SLC45A3: variants seen among roughly 807,000 people sequenced by gnomAD.
SLC45A3 encodes the protein solute carrier family 45 member 3.
SLC45A3 carries 17 observed loss-of-function variants against 35.3 expected under a neutral mutation model. That is an observed-to-expected ratio of 0.48 (90% CI 0.33 to 0.72). SLC45A3 has a LOEUF of 0.72. Ranked by LOEUF, SLC45A3 falls within the 30% of genes least tolerant of loss-of-function variation. The probability of loss-of-function intolerance (pLI) is 0.02; values close to 1 mark genes in which losing one functional copy is unlikely to be tolerated. For missense variants in SLC45A3, 597 were observed against 731.7 expected (o/e 0.82, Z 2.12); for synonymous variants, 288 against 334.3 (o/e 0.86, Z 1.51).
chr1:205,661,492 G>A (rs1384339427), intron 4 of SLC45A3, among the ~76,000 whole-genome samples: 1 of 152,120 alleles, frequency 6.6e-6, no homozygotes, highest in Non-Finnish European at 1.5e-5. Flanking sequence ...TCCCACTCCC[G>A]TCTGCTGAGG....
intron 4 of SLC45A3, among the ~76,000 whole-genome samples, chr1:205,660,148 C>T (rs888472713): frequency 9.2e-5 from 14 of 152,022 alleles, no homozygotes; most frequent in African/African-American, 2.2e-4. Context: ...CCTCATTGCC[C>T]GGTGCAGAGA....
At chr1:205,679,581 G>T (rs936085052) in intron 1 of SLC45A3, among the ~76,000 whole-genome samples, 1 of 152,074 alleles carries the variant, frequency 6.6e-6, no homozygotes, top group Non-Finnish European at 1.5e-5. Context: ...TTTGCCGTTT[G>T]CAGAACTCTG....
chr1:205,672,884 G>A (rs1166322432), intron 1 of SLC45A3, among the ~76,000 whole-genome samples: 4 of 152,116 alleles, frequency 2.6e-5, no homozygotes, highest in South Asian at 2.1e-4. Flanking sequence ...GCTTCTTCAC[G>A]GGCAGGTACC....
intron 1 of SLC45A3, among the ~76,000 whole-genome samples, chr1:205,675,155 T>C (rs928121708): frequency 6.6e-6 from 1 of 152,236 alleles, no homozygotes; most frequent in African/African-American, 2.4e-5. Flanking sequence ...TCTTGGCCTC[T>C]CCGTTGCCAG....
chr1:205,663,205 C>T lies in SLC45A3; in HGVS notation c.586G>A (p.Glu196Lys). 1.9e-6 allele frequency: 3 copies of T among 1,613,498 alleles called. No homozygotes were observed. Among genetic ancestry groups the T allele is most frequent in the Admixed American group, 1.7e-5 (1 of 60,024 alleles). ...SALAPYLGTQ[E>K]ECLFGLLTLI... ...GTGAGCAGGCCAAAGAGGCACTCCTCCTGGGTGCCCAGGTAGGGGGCCAGG... is the reference window on the plus strand; with the variant it reads ...GTGAGCAGGCCAAAGAGGCACTCCTTCTGGGTGCCCAGGTAGGGGGCCAGG... Residue 196 changes from glutamate (E) to lysine (K), a missense_variant, in exon 3 of 5, where the codon GAG becomes AAG. Transcript: ENST00000367145.
In SLC45A3 at chr1:205,664,764, G is replaced by A. The variant is rs1419478693; in HGVS notation, c.-108C>T. ...CCTCTCCTCCTTGCTGCCGCCAACTGCCTAGGAATCAGCCAGGCGCCCATT... is the reference window on the plus strand; with the variant it reads ...CCTCTCCTCCTTGCTGCCGCCAACTACCTAGGAATCAGCCAGGCGCCCATT... On this transcript the variant is annotated 5_prime_UTR_variant, in exon 2 of 5. It introduces an in-frame stop codon into an upstream open reading frame of the 5' UTR. Transcript: ENST00000367145. The surrounding 1 kb of genome is among the most constrained non-coding windows in gnomAD (Gnocchi z 5.3). 23 of 1,482,362 alleles carry A rather than the reference G, an allele frequency of 1.6e-5. No homozygotes were observed. Among genetic ancestry groups the A allele is most frequent in the Middle Eastern group, 5.0e-4 (2 of 4,012 alleles). The allele number at this position is 1,482,362 out of a possible 1,614,324, so 91.8% of individuals were successfully genotyped here.
Position 205,664,897 on chromosome 1 carries a change from G to A in SLC45A3, c.-230-11C>T. On this transcript the variant is annotated splice_polypyrimidine_tract_variant and intron_variant, in intron 1 of 4. Coordinates refer to ENST00000367145, the MANE Select transcript of SLC45A3 (RefSeq NM_033102.3). This position sits in a 1 kb window ranked among gnomAD's most constrained non-coding sequence, Gnocchi z 5.3. ...CTCATCACTCAGATCCTAGAAGGGCGGGGCAATCACAAGCACACGGGGTGT... is the reference window on the plus strand; with the variant it reads ...CTCATCACTCAGATCCTAGAAGGGCAGGGCAATCACAAGCACACGGGGTGT... The A allele has an allele frequency of 3.7e-6, 5 of 1,356,978 alleles. No individual in the cohort carries two copies. The highest frequency in any genetic ancestry group is 2.8e-5 in the East Asian group (1 of 35,648). 84.1% of individuals were successfully genotyped at this position (1,356,978 alleles called of 1,614,324 possible). A position where few individuals can be genotyped will look rare whatever the true frequency, so the allele number is the denominator to read the frequency against.
chr1:205,670,149 C>G (rs1671186252), intron 1 of SLC45A3, among the ~76,000 whole-genome samples: 1 of 152,216 alleles, frequency 6.6e-6, no homozygotes. Flanking sequence ...TGGGGACACC[C>G]CAGAAAGAGC....
In SLC45A3 at chr1:205,662,782, T is replaced by A. The variant is rs1379702098; in HGVS notation, c.958+51A>T. On this transcript the variant is annotated intron_variant, in intron 3 of 4. Coordinates refer to ENST00000367145, the MANE Select transcript of SLC45A3 (RefSeq NM_033102.3). This position sits in a 1 kb window ranked among gnomAD's most constrained non-coding sequence, Gnocchi z 6.2. ...AGCCCAGACACAGCCCCGAGTGTCGTCTCTGGTGGGCGGCTCCCACACCAG... is the reference window on the plus strand; with the variant it reads ...AGCCCAGACACAGCCCCGAGTGTCGACTCTGGTGGGCGGCTCCCACACCAG... The A allele has an allele frequency of 6.6e-7, 1 of 1,509,716 alleles. No homozygotes were observed. The highest frequency in any genetic ancestry group is 2.3e-5 in the East Asian group (1 of 43,320). The allele number at this position is 1,509,716 out of a possible 1,614,324, so 93.5% of individuals were successfully genotyped here.
chr1:205,673,223 ATTCTC>A (rs1371941992), intron 1 of SLC45A3, among the ~76,000 whole-genome samples: 6 of 152,134 alleles, frequency 3.9e-5, no homozygotes, highest in Admixed American at 6.5e-5. Flanking sequence ...TAGTAACTGA[ATTCTC>A]TTCTTGGGCC....
At chr1:205,670,371 T>C (rs1302224863) in intron 1 of SLC45A3, among the ~76,000 whole-genome samples, 1 of 152,162 alleles carries the variant, frequency 6.6e-6, no homozygotes, top group African/African-American at 2.4e-5. Context: ...AGTGAGGGTC[T>C]CTGCTTTCCC....
chr1:205,662,849 C>A lies in SLC45A3; in HGVS notation c.942G>T (p.Arg314=). 6.3e-7 allele frequency: 1 copy of A among 1,598,794 alleles called. No homozygotes were observed. ...VPRAEPGTEA[R]RHYDEGVRMG... is the part of the protein sequence containing the mutation. ...AGGCCTTACCTTCATCATAGTGTCT[C>A]CGGGCCTCGGTGCCCGGCTCAGCTC... Residue 314 remains arginine (R), a synonymous_variant, in exon 3 of 5, where the codon CGG becomes CGT. Transcript: ENST00000367145. This position sits in a 1 kb window ranked among gnomAD's most constrained non-coding sequence, Gnocchi z 6.2.
intron 2 of SLC45A3, 54 bp from the exon 3 acceptor site, chr1:205,663,672 G>C: frequency 6.7e-7 from 1 of 1,500,220 alleles, no homozygotes; most frequent in South Asian, 1.3e-5. Flanking sequence ...AAGGGCAAGG[G>C]GAAGGGGAAC....
intron 1 of SLC45A3, among the ~76,000 whole-genome samples, chr1:205,679,685 AACACACACACACACAC>A (rs55762304): frequency 2.0e-4 from 28 of 138,850 alleles, no homozygotes; most frequent in South Asian, 7.5e-4. Flanking sequence ...GGGACACAGT[AACACACACACACACAC>A]ACACACACAC....
rs775123383 is a variant in SLC45A3, at chr1:205,662,131, A to C, written c.959-5T>G. 2 of 1,610,012 alleles carry C rather than the reference A, an allele frequency of 1.2e-6. No homozygotes were observed. The highest frequency in any genetic ancestry group is 1.7e-6 in the Non-Finnish European group (2 of 1,177,430). Reference sequence around the variant, plus strand: ...CCAGGCTGCCCATCCGAACGCCTGCAGAGGGAGAGGGGCCATCAGACAGAG... The same window carrying C: ...CCAGGCTGCCCATCCGAACGCCTGCCGAGGGAGAGGGGCCATCAGACAGAG... On this transcript the variant is annotated splice_region_variant and splice_polypyrimidine_tract_variant and intron_variant, in intron 3 of 4. Transcript: ENST00000367145. The surrounding 1 kb of genome is among the most constrained non-coding windows in gnomAD (Gnocchi z 6.2).
At chr1:205,665,180 G>A (rs1017979236) in intron 1 of SLC45A3, among the ~76,000 whole-genome samples, 1 of 152,108 alleles carries the variant, frequency 6.6e-6, no homozygotes, top group Admixed American at 6.5e-5. Flanking sequence ...TGTTAGTATT[G>A]GGGAGCGGGA....
At chr1:205,678,904 T>G (rs1671354303) in intron 1 of SLC45A3, among the ~76,000 whole-genome samples, 1 of 152,074 alleles carries the variant, frequency 6.6e-6, no homozygotes, top group Non-Finnish European at 1.5e-5. Context: ...GCTCTATGGG[T>G]TTCCTCAGGC....
In SLC45A3 at chr1:205,666,511, A is replaced by T. The variant is rs1671120071; in HGVS notation, c.-230-1625T>A. Among the ~76,000 whole-genome samples, 1 of 152,204 alleles carries T rather than the reference A, an allele frequency of 6.6e-6. No individual in the cohort carries two copies. Among genetic ancestry groups the T allele is most frequent in the African/African-American group, 2.4e-5 (1 of 41,450 alleles). Reference sequence around the variant, plus strand: ...GACAGAGGGAGACACTGCCTAAAAAAACATCAGATGGCTATCAGTCCTGGG... The same window carrying T: ...GACAGAGGGAGACACTGCCTAAAAATACATCAGATGGCTATCAGTCCTGGG... On this transcript the variant is annotated intron_variant, in intron 1 of 4. Coordinates refer to ENST00000367145, the MANE Select transcript of SLC45A3 (RefSeq NM_033102.3). This position sits in a 1 kb window ranked among gnomAD's most constrained non-coding sequence, Gnocchi z 4.1.
In SLC45A3 at chr1:205,659,393, C is replaced by G; in HGVS notation, c.1503G>C (p.Leu501=). 1 of 1,614,206 alleles carries G rather than the reference C, an allele frequency of 6.2e-7. No homozygotes were observed. Among genetic ancestry groups the G allele is most frequent in the Admixed American group, 1.7e-5 (1 of 60,030 alleles). The change falls in exon 5 of 5, where the codon CTG becomes CTC. Residue 501 remains leucine (L), a synonymous_variant. Transcript: ENST00000367145. The surrounding 1 kb of genome is among the most constrained non-coding windows in gnomAD (Gnocchi z 5.8). ...DLAILDSAFL[L]SQVAPSLFMG... The stretch of plus-strand genomic sequence containing the variant: ...TAAACAGGGATGGGGCCACCTGGGA[C>G]AGCAGGAAGGCACTATCCAGGATGG...
Sources: allele counts gnomAD v4.1 joint callset (sites outside exome capture counted in the v4.1 genomes callset), GRCh38; gene constraint gnomAD v4.1.1; non-coding constraint Gnocchi (gnomAD v3.1); transcripts MANE v1.5; gene names NCBI Gene and HGNC (gene_info 2026-07-23, HGNC 2026-07-21).